The following TBRG1 variants were observed in gnomAD, a reference collection of about 807,000 sequenced individuals.
TBRG1 encodes nuclear interactor of ARF and MDM2.
A neutral mutation model predicts 44.0 loss-of-function variants in TBRG1; 31 were observed. That is an observed-to-expected ratio of 0.70 (90% confidence interval 0.53 to 0.95). The LOEUF (loss-of-function observed/expected upper bound fraction) is 0.95, where lower values mean the gene tolerates loss of function less well. Among genes scored for constraint, TBRG1 ranks in the 40% least tolerant of loss-of-function variants. TBRG1 has a pLI of 0.00. For synonymous variants in TBRG1, 171 were observed against 188.1 expected, an observed-to-expected ratio of 0.91 and a Z score of 0.74; for missense variants, 487 against 496.1, an observed-to-expected ratio of 0.98 and a Z score of 0.18.
In TBRG1 at chr11:124,626,965, G is replaced by A. The variant is rs775829372; in HGVS notation, c.653G>A (p.Ser218Asn). Residue 218 changes from serine to asparagine, a missense_variant, in exon 5 of 9, where the codon AGT becomes AAT. Ser to Asn is a conservative substitution (Grantham distance 46, BLOSUM62 1). Transcript: ENST00000441174. The stretch of plus-strand genomic sequence containing the variant: ...GCCATCTACCCCGTGGGCTATTGCA[G>A]TACTCGAATATATGCCAGCATGAAG... ...ESAIYPVGYC[S>N]TRIYASMKCP... 19 of 1,598,420 alleles carry A rather than the reference G, an allele frequency of 1.2e-5. No homozygotes were observed. The highest frequency in any genetic ancestry group is 1.6e-5 in the Non-Finnish European group (19 of 1,171,462).
intron 8 of TBRG1, 99 bp from the exon 9 acceptor site, chr11:124,631,994 G>A (rs2134338332): frequency 2.0e-6 from 2 of 993,852 alleles, no homozygotes; most frequent in South Asian, 3.0e-5. Context: ...AAATGCAAGG[G>A]TGTTAAGGAA....
At chr11:124,624,510 G>C (rs1942412957) in intron 1 of TBRG1, among the ~76,000 whole-genome samples, 1 of 152,204 alleles carries the variant, frequency 6.6e-6, no homozygotes, top group South Asian at 2.1e-4. Flanking sequence ...AGTTTTTCAA[G>C]AGTTGAGGCA....
At chr11:124,630,567 G>T in intron 6 of TBRG1, 82 bp downstream of exon 6, 1 of 1,154,450 alleles carries the variant, frequency 8.7e-7, no homozygotes, top group South Asian at 1.2e-5. Flanking sequence ...TTAATGGGTG[G>T]AGATACTTTA....
Position 124,632,101 on chromosome 11 carries a change from G to A in TBRG1, c.1099G>A (p.Asp367Asn). 1 of 1,613,604 alleles carries A rather than the reference G, an allele frequency of 6.2e-7. No homozygotes were observed. The highest frequency in any genetic ancestry group is 1.3e-5 in the African/African-American group (1 of 75,000). Residue 367 changes from aspartate (D) to asparagine (N), a missense_variant, in exon 9 of 9, where the codon GAC (aspartate) becomes AAC (asparagine). Physicochemically the swap from Asp to Asn is conservative, Grantham distance 23. Coordinates refer to ENST00000441174, the MANE Select transcript of TBRG1 (RefSeq NM_032811.3). Reference protein sequence around the residue: ...QNDPLLPGSLDLPELQPAAFV... With the variant: ...QNDPLLPGSLNLPELQPAAFV... ...GGAATTGTTTTCTCCAGGATCCTTG[G>A]ACCTCCCAGAGCTTCAGCCTGCAGC...
Position 124,625,921 on chromosome 11 carries a change from T to A in TBRG1, c.454+18T>A. 6.5e-7 allele frequency: 1 copy of A among 1,544,412 alleles called. No homozygotes were observed. The highest frequency in any genetic ancestry group is 8.7e-7 in the Non-Finnish European group (1 of 1,148,642). On this transcript the variant is annotated intron_variant, in intron 3 of 8. Transcript: ENST00000441174. ...ACTGGAAGGTACTTTGGGGAGATGA[T>A]ATCAGTTGCCCCAGTGACTCACCTA...
At chr11:124,628,096 TATATATATATATATATATATACACACAC>T (rs1421240196) in intron 5 of TBRG1, among the ~76,000 whole-genome samples, 52 of 79,132 alleles carry the variant, frequency 6.6e-4, no homozygotes, top group Non-Finnish European at 9.3e-4. Flanking sequence ...TATATATATA[TATATATATATATATATATATACACACAC>T]ACACACACAC....
Position 124,635,834 on chromosome 11 carries a change from G to A in TBRG1, c.*3596G>A, listed in dbSNP as rs1224417001. The A allele has an allele frequency of 6.6e-6, 1 of 152,066 alleles. No homozygotes were observed. The highest frequency in any genetic ancestry group is 1.9e-4 in the East Asian group (1 of 5,196). The allele number at this position is 152,066 out of a possible 1,614,324, so 9.4% of individuals were successfully genotyped here. A position where few individuals can be genotyped will look rare whatever the true frequency, so the allele number is the denominator to read the frequency against. On this transcript the variant is annotated 3_prime_UTR_variant, in exon 9 of 9. Coordinates refer to ENST00000441174, the MANE Select transcript of TBRG1 (RefSeq NM_032811.3). ...TTTTATTTATTTCCAACTTCTTATA[G>A]GTAACATAATTTTCAGACAATGTTA...
rs1198278246 is a variant in TBRG1, at chr11:124,630,448, T to C, written c.799T>C (p.Cys267Arg). The stretch of plus-strand genomic sequence containing the variant: ...CATTGTCAGCTCTTCTGCAGATGCT[T>C]GTCATGCAGAACTGCTCAGGACTAT... ...NAIVSSSADA[C>R]HAELLRTIST... Residue 267 changes from cysteine (C) to arginine (R), a missense_variant, in exon 6 of 9, where the codon TGT (cysteine) becomes CGT (arginine). Cys to Arg is a radical substitution (Grantham distance 180). Coordinates refer to ENST00000441174, the MANE Select transcript of TBRG1 (RefSeq NM_032811.3). 4 of 1,613,696 alleles carry C rather than the reference T, an allele frequency of 2.5e-6. No individual in the cohort carries two copies. The highest frequency in any genetic ancestry group is 3.4e-6 in the Non-Finnish European group (4 of 1,179,712).
chr11:124,631,251 G>A lies in TBRG1; in HGVS notation c.948-24G>A, dbSNP rs763471094. ...TTTATGTCTAGCAGATAACTCTCAA[G>A]GGTGATTTCCCTTGATTCTGCAGTT... is the stretch of plus-strand genomic sequence containing the variant. On this transcript the variant is annotated intron_variant, in intron 7 of 8. Coordinates refer to ENST00000441174, the MANE Select transcript of TBRG1 (RefSeq NM_032811.3). The A allele has an allele frequency of 5.2e-6, 8 of 1,543,410 alleles. No homozygotes were observed. The South Asian group carries it at 8.9e-5, about 17-fold the overall frequency.
In TBRG1 at chr11:124,626,782, C is replaced by T. The variant is rs1942482258; in HGVS notation, c.592-122C>T. ...TGTTGTCTGCTACACAGCCTACTCTCTGTCTTTGTGTGATTTGTCACTCTT... is the reference window on the plus strand; with the variant it reads ...TGTTGTCTGCTACACAGCCTACTCTTTGTCTTTGTGTGATTTGTCACTCTT... On this transcript the variant is annotated intron_variant, in intron 4 of 8. Transcript: ENST00000441174. 2.7e-6 allele frequency: 4 copies of T among 1,487,680 alleles called. No individual in the cohort carries two copies. In the Admixed American group the frequency reaches 5.9e-5, roughly 22 times the overall value. The allele number at this position is 1,487,680 out of a possible 1,614,324, so 92.2% of individuals were successfully genotyped here. A position where few individuals can be genotyped will look rare whatever the true frequency, so the allele number is the denominator to read the frequency against.
At chr11:124,629,737 A>G (rs1255923677) in intron 5 of TBRG1, among the ~76,000 whole-genome samples, 2 of 152,276 alleles carry the variant, frequency 1.3e-5, no homozygotes, top group Non-Finnish European at 2.9e-5. Flanking sequence ...GAAACTGTTT[A>G]AATGAACTTT....
At chr11:124,630,893 AGT>A (rs1204192493) in intron 7 of TBRG1, 38 bp downstream of exon 7, 15 of 1,394,136 alleles carry the variant, frequency 1.1e-5, no homozygotes. Context: ...AGAAAAGCTC[AGT>A]GATCATCCGG....
Position 124,632,321 on chromosome 11 carries a change from G to A in TBRG1, c.*83G>A. 2 of 1,244,432 alleles carry A rather than the reference G, an allele frequency of 1.6e-6. No homozygotes were observed. The highest frequency in any genetic ancestry group is 1.1e-6 in the Non-Finnish European group (1 of 871,670). 77.1% of individuals were successfully genotyped at this position (1,244,432 alleles called of 1,614,324 possible). On this transcript the variant is annotated 3_prime_UTR_variant, in exon 9 of 9. Coordinates refer to ENST00000441174, the MANE Select transcript of TBRG1 (RefSeq NM_032811.3). The stretch of plus-strand genomic sequence containing the variant: ...AATTTTGGGTATATGAAAGAAGGCA[G>A]CAATTCAGAAGTAAAGAAGATACTA...
chr11:124,627,762 G>A (rs1018653948), intron 5 of TBRG1, among the ~76,000 whole-genome samples: 11 of 151,948 alleles, frequency 7.2e-5, no homozygotes, highest in African/African-American at 2.2e-4. Flanking sequence ...GCATAGTTGA[G>A]AGCTTACGTG....
At chr11:124,624,886 T>TC (rs941481258) in intron 1 of TBRG1, 45 bp from the exon 2 acceptor site, 15 of 1,323,856 alleles carry the variant, frequency 1.1e-5, no homozygotes, top group South Asian at 9.3e-5. Context: ...ATAATGTGAT[T>TC]TTTTTATTCA....
chr11:124,630,394 A>G lies in TBRG1; in HGVS notation c.745A>G (p.Ile249Val). ...GCTCGTTTGTCTTTCTCAGTTTGAA[A>G]TTGTTCCTGAAGATGACCCCCAGAA... ...KDGGVQPQFE[I>V]VPEDDPQNAI... The change falls in exon 6 of 9, where the codon ATT becomes GTT. Residue 249 changes from isoleucine (I) to valine (V), a missense_variant. Physicochemically the swap from Ile to Val is conservative, Grantham distance 29. Coordinates refer to ENST00000441174, the MANE Select transcript of TBRG1 (RefSeq NM_032811.3). The G allele has an allele frequency of 6.2e-7, 1 of 1,612,008 alleles. No homozygotes were observed. The highest frequency in any genetic ancestry group is 1.7e-5 in the Admixed American group (1 of 60,012).
chr11:124,630,277 GATGGT>G lies in TBRG1; in HGVS notation c.739-108_739-104del, dbSNP rs1357707482. The G allele has an allele frequency of 8.5e-5, 66 of 778,652 alleles. No homozygotes were observed. The Admixed American group carries it at 1.1e-3, about 13-fold the overall frequency. 48.2% of individuals were successfully genotyped at this position (778,652 alleles called of 1,614,324 possible). A position where few individuals can be genotyped will look rare whatever the true frequency, so the allele number is the denominator to read the frequency against. ...GGAAAGTATGTGTGTCCCTTCTGAA[GATGGT>G]ATACGTCAGCTTCACGTTCCAGAGT... On this transcript the variant is annotated intron_variant, in intron 5 of 8. Coordinates refer to ENST00000441174, the MANE Select transcript of TBRG1 (RefSeq NM_032811.3).
chr11:124,626,111 G>C (rs531772358), intron 3 of TBRG1, among the ~76,000 whole-genome samples: 6 of 152,326 alleles, frequency 3.9e-5, no homozygotes, highest in African/African-American at 1.4e-4. Context: ...TTCGTTAAAT[G>C]CAAGGGGAGC....
intron 5 of TBRG1, among the ~76,000 whole-genome samples, chr11:124,628,684 G>C (rs530632741): frequency 1.3e-5 from 2 of 152,100 alleles, no homozygotes; most frequent in African/African-American, 4.8e-5. Context: ...AGTGCTGGCC[G>C]GGGTGGAGGA....
Sources: allele counts gnomAD v4.1 joint callset (sites outside exome capture counted in the v4.1 genomes callset), GRCh38; gene constraint gnomAD v4.1.1; transcripts MANE v1.5; gene names NCBI Gene and HGNC (gene_info 2026-07-23, HGNC 2026-07-21).